Variants in CDCA8 observed in about 807,000 individuals in gnomAD.
CDCA8 encodes the protein cell division cycle associated 8.
Under a neutral mutation model 40.0 loss-of-function variants are expected in CDCA8, and 25 were observed. The ratio of observed to expected loss-of-function variants is 0.63; its 90% CI spans 0.46 to 0.87. The LOEUF (loss-of-function observed/expected upper bound fraction) is 0.87. Ranked by LOEUF, CDCA8 falls within the 40% of genes least tolerant of loss-of-function variation. The probability of loss-of-function intolerance (pLI) is 0.00; values close to 1 mark genes in which losing one functional copy is unlikely to be tolerated. For missense variants in CDCA8, 280 were observed against 348.4 expected, an observed-to-expected ratio of 0.80 and a Z score of 1.56; for synonymous variants, 111 against 126.5, an observed-to-expected ratio of 0.88 and a Z score of 0.82.
rs528212130 is a variant in CDCA8 at position 37,708,500 on chromosome 1, T to C, written c.*134T>C. 4.2e-5 allele frequency: 35 copies of C among 843,022 alleles called. No individual in the cohort carries two copies. The East Asian group carries it at 6.9e-4, about 17-fold the overall frequency. 52.2% of individuals were successfully genotyped at this position (843,022 alleles called of 1,614,324 possible). A position where few individuals can be genotyped will look rare whatever the true frequency, so the allele number is the denominator to read the frequency against. Reference sequence around the variant, plus strand: ...ATGTTCCTCTAAGGGAATTCAGGAATTCAGACGTGCTAGTCCCACACCAGT... The same window carrying C: ...ATGTTCCTCTAAGGGAATTCAGGAACTCAGACGTGCTAGTCCCACACCAGT... On this transcript the variant is annotated 3_prime_UTR_variant, in exon 10 of 10. Transcript: ENST00000373055.
chr1:37,692,837 G>T (rs532376046), intron 1 of CDCA8, 53 bp downstream of exon 1: 1 of 1,612,722 alleles, frequency 6.2e-7, no homozygotes, highest in African/African-American at 1.3e-5. Flanking sequence ...ATGCTGGCGG[G>T]TGGGGACACG....
At chr1:37,703,098 T>C (rs1645575396) in intron 6 of CDCA8, among the ~76,000 whole-genome samples, 154 bp from the exon 7 acceptor site, 1 of 152,218 alleles carries the variant, frequency 6.6e-6, no homozygotes, top group African/African-American at 2.4e-5. Context: ...ATGGCAGCAG[T>C]GCTGGCCTCC....
Position 37,706,208 on chromosome 1 carries a change from A to G in CDCA8, c.711+641A>G, listed in dbSNP as rs185885809. ...CTGCAACCTCTGCCTCCCAGGTTCA[A>G]GTGATTCTCCTGCCTCAGCCTCCTG... On this transcript the variant is annotated intron_variant, in intron 8 of 9. Coordinates refer to ENST00000373055, the MANE Select transcript of CDCA8 (RefSeq NM_001256875.2). Among the ~76,000 whole-genome samples, 375 of 150,570 alleles carry G rather than the reference A, an allele frequency of 2.5e-3. 1 individual carries two copies. Among genetic ancestry groups the G allele is most frequent in the African/African-American group, 8.8e-3 (358 of 40,802 alleles).
intron 7 of CDCA8, 31 bp from the exon 8 acceptor site, chr1:37,705,405 TGCCAA>T (rs1364923400): frequency 1.2e-6 from 2 of 1,604,150 alleles, no homozygotes; most frequent in East Asian, 2.2e-5. Flanking sequence ...GTCATCCAAT[TGCCAA>T]GCTATCTTCA....
intron 9 of CDCA8, 136 bp from the exon 10 acceptor site, chr1:37,708,186 G>A (rs1569585447): frequency 2.7e-6 from 2 of 745,224 alleles, no homozygotes; most frequent in Non-Finnish European, 4.8e-6. Context: ...TTGTTCAGAT[G>A]AGAAACAGGT....
At chr1:37,700,407 T>C in intron 4 of CDCA8, 29 bp from the exon 5 acceptor site, 2 of 1,323,230 alleles carry the variant, frequency 1.5e-6, no homozygotes, top group Non-Finnish European at 2.2e-6. Flanking sequence ...TCATCAGAAA[T>C]ACCACCCTGT....
intron 4 of CDCA8, among the ~76,000 whole-genome samples, chr1:37,700,183 C>T (rs1341331120): frequency 2.0e-5 from 3 of 152,194 alleles, no homozygotes; most frequent in East Asian, 1.9e-4. Context: ...CACCAGGGCA[C>T]GCTCTACAGT....
At chr1:37,694,291 T>C (rs1645512123) in intron 2 of CDCA8, among the ~76,000 whole-genome samples, 1 of 152,240 alleles carries the variant, frequency 6.6e-6, no homozygotes, top group Non-Finnish European at 1.5e-5. Context: ...ATCCAGCATG[T>C]AGTCTCCTTC....
rs1645556833 is a variant in CDCA8 at position 37,700,515 on chromosome 1, T to G, written c.417T>G (p.Thr139=). Residue 139 remains threonine, a synonymous_variant, in exon 5 of 10, where the codon ACT becomes ACG. Coordinates refer to ENST00000373055, the MANE Select transcript of CDCA8 (RefSeq NM_001256875.2). ...EEENERKNLQ[T]ARVKRCPPSK... is the part of the protein sequence containing the mutation. Reference sequence around the variant, plus strand: ...AAAATGAACGTAAGAATCTTCAAACTGCAAGAGTAAGTGGACACTGAGGTT... The same window carrying G: ...AAAATGAACGTAAGAATCTTCAAACGGCAAGAGTAAGTGGACACTGAGGTT... The G allele has an allele frequency of 6.2e-7, 1 of 1,600,212 alleles. No individual in the cohort carries two copies. Among genetic ancestry groups the G allele is most frequent in the South Asian group, 1.1e-5 (1 of 90,678 alleles).
chr1:37,707,802 CAGAG>C (rs1460538871), intron 9 of CDCA8, among the ~76,000 whole-genome samples: 1 of 152,186 alleles, frequency 6.6e-6, no homozygotes, highest in African/African-American at 2.4e-5. Context: ...GCCTGGGTGA[CAGAG>C]AAAGACCTCA....
At position 37,709,259 on chromosome 1, in the gene CDCA8, C is replaced by CAAGT. The variant is rs1430851170; in HGVS notation, c.*894_*897dup. 1 of 152,180 alleles carries CAAGT rather than the reference C, an allele frequency of 6.6e-6. No homozygotes were observed. Among genetic ancestry groups the CAAGT allele is most frequent in the Non-Finnish European group, 1.5e-5 (1 of 68,048 alleles). The allele number at this position is 152,180 out of a possible 1,614,324, so 9.4% of individuals were successfully genotyped here. A position where few individuals can be genotyped will look rare whatever the true frequency, so the allele number is the denominator to read the frequency against. ...CTATCCATGGTCCAGTGGTCCCTGC[C>CAAGT]AAGTCTGTAGACTTCAGAGAGCACT... is the stretch of plus-strand genomic sequence containing the variant. On this transcript the variant is annotated 3_prime_UTR_variant, in exon 10 of 10. Transcript: ENST00000373055.
chr1:37,703,114 T>A lies in CDCA8; in HGVS notation c.489-138T>A, dbSNP rs1424995330. 4.2e-6 allele frequency: 3 copies of A among 720,590 alleles called. No homozygotes were observed. In the East Asian group the frequency reaches 7.4e-5, roughly 18 times the overall value. 44.6% of individuals were successfully genotyped at this position (720,590 alleles called of 1,614,324 possible). On this transcript the variant is annotated intron_variant, in intron 6 of 9. Transcript: ENST00000373055. ...TGGCAGCAGTGCTGGCCTCCCGTGT[T>A]AGAAGGGTCACGTGAGTCGATGTGT...
chr1:37,703,408 A>G, intron 7 of CDCA8, 61 bp downstream of exon 7: 1 of 1,237,090 alleles, frequency 8.1e-7, no homozygotes, highest in Non-Finnish European at 1.2e-6. Context: ...CTACCCAGAG[A>G]AGGAGTGTCT....
At position 37,692,559 on chromosome 1, in the gene CDCA8, C is replaced by G. The variant is rs190105358; in HGVS notation, c.-132C>G. 5.0e-4 allele frequency: 359 copies of G among 720,260 alleles called. 1 individual carries two copies. The highest frequency in any genetic ancestry group is 1.1e-3 in the South Asian group (71 of 62,334). 44.6% of individuals were successfully genotyped at this position (720,260 alleles called of 1,614,324 possible). A position where few individuals can be genotyped will look rare whatever the true frequency, so the allele number is the denominator to read the frequency against. On this transcript the variant is annotated 5_prime_UTR_variant, in exon 1 of 10. Coordinates refer to ENST00000373055, the MANE Select transcript of CDCA8 (RefSeq NM_001256875.2). ...ACTGGCACAGCGAGGTTTTGCTCAG[C>G]CCTTGTCTCGGGACCGCAGGTACGT...
chr1:37,701,366 A>C (rs1645561875), intron 5 of CDCA8, among the ~76,000 whole-genome samples: 1 of 152,080 alleles, frequency 6.6e-6, no homozygotes. Context: ...ATAAGGAGTG[A>C]TTCTTGCCAG....
chr1:37,705,007 G>C (rs1472724925), intron 7 of CDCA8, among the ~76,000 whole-genome samples: 1 of 152,118 alleles, frequency 6.6e-6, no homozygotes, highest in Non-Finnish European at 1.5e-5. Flanking sequence ...AAGGCATTTA[G>C]GGAAAACTAG....
intron 3 of CDCA8, among the ~76,000 whole-genome samples, chr1:37,697,240 G>A (rs1444874781): frequency 1.3e-5 from 2 of 152,258 alleles, no homozygotes; most frequent in Middle Eastern, 3.4e-3. Context: ...AGGATTCATG[G>A]GGCTCAGCAT....
In CDCA8 at chr1:37,706,978, A is replaced by G. The variant is rs776833639; in HGVS notation, c.712A>G (p.Ser238Gly). 3.1e-6 allele frequency: 5 copies of G among 1,613,942 alleles called. No individual in the cohort carries two copies. Among genetic ancestry groups the G allele is most frequent in the Non-Finnish European group, 4.2e-6 (5 of 1,179,784 alleles). ...TTAACCCACTCCCCTTTCTATTCAG[A>G]GCCTGCGATTATTGGCCAGTGACTT... ...FLTVPVGGGESLRLLASDLQR... is the reference protein window; with the variant it reads ...FLTVPVGGGEGLRLLASDLQR... Residue 238 changes from serine to glycine, a missense_variant and splice_region_variant, in exon 9 of 10, where the codon AGC becomes GGC. Ser to Gly is a moderately conservative substitution (Grantham distance 56). Coordinates refer to ENST00000373055, the MANE Select transcript of CDCA8 (RefSeq NM_001256875.2).
At position 37,696,223 on chromosome 1, in the gene CDCA8, C is replaced by T. The variant is rs980140559; in HGVS notation, c.264+273C>T. Among the ~76,000 whole-genome samples the T allele has an allele frequency of 1.3e-5, 2 of 152,184 alleles. No homozygotes were observed. The highest frequency in any genetic ancestry group is 4.8e-5 in the African/African-American group (2 of 41,446). ...AAGTAGAAAGCCTCAAGCCCAAGTT[C>T]CTTTAAGCGCCTGAGTCATTACACT... On this transcript the variant is annotated intron_variant, in intron 3 of 9. Coordinates refer to ENST00000373055, the MANE Select transcript of CDCA8 (RefSeq NM_001256875.2). This position sits in a 1 kb window ranked among gnomAD's most constrained non-coding sequence, Gnocchi z 5.0.
Sources: gnomAD v4.1 joint callset for allele counts (sites outside exome capture counted in the v4.1 genomes callset) on GRCh38, gnomAD v4.1.1 for gene constraint, Gnocchi (gnomAD v3.1) non-coding constraint, MANE v1.5 for transcripts, NCBI Gene and HGNC (gene_info 2026-07-23, HGNC 2026-07-21) for gene names.